Variants in ZNF652 observed in about 807,000 individuals in gnomAD.
The protein encoded by ZNF652 is zinc finger protein 652.
ZNF652 carries 16 observed loss-of-function variants against 45.2 expected under a neutral mutation model. The ratio of observed to expected loss-of-function variants is 0.35; its 90% CI spans 0.24 to 0.54. The LOEUF (loss-of-function observed/expected upper bound fraction) is 0.54, where lower values mean the gene tolerates loss of function less well. Among genes scored for constraint, ZNF652 ranks in the 20% least tolerant of loss-of-function variants. The probability of loss-of-function intolerance (pLI) is 0.91; values close to 1 mark genes in which losing one functional copy is unlikely to be tolerated. For synonymous variants in ZNF652, 250 were observed against 260.6 expected (o/e 0.96, Z 0.39); for missense variants, 614 against 765.6 (o/e 0.80, Z 2.34).
At chr17:49,307,526 G>T (rs952943218) in intron 5 of ZNF652, among the ~76,000 whole-genome samples, 1 of 148,964 alleles carries the variant, frequency 6.7e-6, no homozygotes, top group Non-Finnish European at 1.5e-5. Flanking sequence ...CAGATCATGA[G>T]GTCAGGAGTT....
chr17:49,346,381 T>C (rs902112392), intron 1 of ZNF652, among the ~76,000 whole-genome samples: 1 of 152,158 alleles, frequency 6.6e-6, no homozygotes, highest in African/African-American at 2.4e-5. Flanking sequence ...CAAAACCCTG[T>C]CTCTACTAAA....
intron 1 of ZNF652, among the ~76,000 whole-genome samples, chr17:49,325,354 A>G (rs6504605): frequency 0.11 from 16,749 of 152,252 alleles, 994 homozygotes; most frequent in Middle Eastern, 0.16. Flanking sequence ...ATGAACGCAT[A>G]TAACATTTAT....
chr17:49,328,100 T>G (rs1311765791), intron 1 of ZNF652, among the ~76,000 whole-genome samples: 1 of 151,946 alleles, frequency 6.6e-6, no homozygotes, highest in Non-Finnish European at 1.5e-5. Context: ...CCTCATGGAT[T>G]ACTGGTATAA....
chr17:49,327,987 A>C (rs6504606), intron 1 of ZNF652, among the ~76,000 whole-genome samples: 28 of 151,224 alleles, frequency 1.9e-4, no homozygotes, highest in Admixed American at 1.6e-3. Flanking sequence ...GCCTGCATTA[A>C]AAATCTGGCT....
chr17:49,355,732 T>C (rs1027973262), intron 1 of ZNF652, among the ~76,000 whole-genome samples: 4 of 151,494 alleles, frequency 2.6e-5, no homozygotes, highest in African/African-American at 9.7e-5. Context: ...ACCCCGTCTC[T>C]ACTAAAAATA....
intron 3 of ZNF652, 111 bp downstream of exon 3, chr17:49,312,587 C>A: frequency 8.3e-7 from 1 of 1,211,450 alleles, no homozygotes; most frequent in South Asian, 1.5e-5. Context: ...TCAGTTTCAA[C>A]ATGTCAAAAC....
At chr17:49,312,093 A>G in intron 3 of ZNF652, 51 bp from the exon 4 acceptor site, 1 of 1,440,086 alleles carries the variant, frequency 6.9e-7, no homozygotes, top group Non-Finnish European at 9.7e-7. Context: ...CAAAAAGCTC[A>G]AACTAAAAAG....
chr17:49,312,538 C>T (rs745560079), intron 3 of ZNF652, among the ~76,000 whole-genome samples, 160 bp downstream of exon 3: 2 of 152,082 alleles, frequency 1.3e-5, no homozygotes, highest in African/African-American at 2.4e-5. Flanking sequence ...GAAGACTATA[C>T]CATCCAATTT....
intron 1 of ZNF652, among the ~76,000 whole-genome samples, chr17:49,338,233 T>C (rs931442680): frequency 6.6e-6 from 1 of 151,900 alleles, no homozygotes; most frequent in African/African-American, 2.4e-5. Context: ...GCGATCCTCC[T>C]GCCTCAGCCT....
chr17:49,334,112 A>C (rs2070055936), intron 1 of ZNF652, among the ~76,000 whole-genome samples: 1 of 152,254 alleles, frequency 6.6e-6, no homozygotes, highest in South Asian at 2.1e-4. Context: ...GCCAAAAGGC[A>C]ATCCAAATAT....
chr17:49,338,353 G>C (rs923732425), intron 1 of ZNF652, among the ~76,000 whole-genome samples: 6 of 152,132 alleles, frequency 3.9e-5, no homozygotes, highest in African/African-American at 1.4e-4. Context: ...ACCTTGTCTG[G>C]ATGTGATGCA....
intron 2 of ZNF652, among the ~76,000 whole-genome samples, chr17:49,314,631 T>C (rs529905147): frequency 6.6e-6 from 1 of 152,308 alleles, no homozygotes; most frequent in South Asian, 2.1e-4. Flanking sequence ...GCCTGGAATA[T>C]TAGGCATAAT....
chr17:49,325,676 A>G (rs2069948959), intron 1 of ZNF652, among the ~76,000 whole-genome samples: 1 of 151,852 alleles, frequency 6.6e-6, no homozygotes, highest in Non-Finnish European at 1.5e-5. Context: ...AATACAAATT[A>G]CCCAGGCATG....
intron 1 of ZNF652, among the ~76,000 whole-genome samples, chr17:49,351,574 C>T (rs1048237201): frequency 2.0e-5 from 3 of 151,964 alleles, no homozygotes; most frequent in African/African-American, 7.2e-5. Flanking sequence ...CTCAAAACCA[C>T]GGACATACAT....
intron 2 of ZNF652, among the ~76,000 whole-genome samples, chr17:49,316,220 A>G (rs1397632559): frequency 1.3e-5 from 2 of 152,238 alleles, no homozygotes; most frequent in African/African-American, 4.8e-5. Flanking sequence ...GTACAGTGGC[A>G]TTATGTAACC....
At chr17:49,311,825 C>T in intron 4 of ZNF652, 102 bp downstream of exon 4, 1 of 949,924 alleles carries the variant, frequency 1.1e-6, no homozygotes, top group Non-Finnish European at 1.6e-6. Flanking sequence ...CTGTGGAAGG[C>T]AGCCTTGTGC....
rs1472155022 is a variant in ZNF652 at position 49,289,261 on chromosome 17, C to T, written c.*9152G>A. 2 of 150,230 alleles carry T rather than the reference C, an allele frequency of 1.3e-5. No individual in the cohort carries two copies. The allele number at this position is 150,230 out of a possible 1,614,324, so 9.3% of individuals were successfully genotyped here. Reference sequence around the variant, plus strand: ...TGAACATTAGCATTAAGTTGGTTACCGTACACATCCAAAGGCCCAGCATCT... The same window carrying T: ...TGAACATTAGCATTAAGTTGGTTACTGTACACATCCAAAGGCCCAGCATCT... On this transcript the variant is annotated 3_prime_UTR_variant, in exon 6 of 6. Coordinates refer to ENST00000430262, the MANE Select transcript of ZNF652 (RefSeq NM_001145365.3).
chr17:49,342,312 TA>T (rs1217223746), intron 1 of ZNF652, among the ~76,000 whole-genome samples: 5 of 152,180 alleles, frequency 3.3e-5, no homozygotes, highest in Non-Finnish European at 7.3e-5. Flanking sequence ...AGAAAATATT[TA>T]AAAATTTTTA....
intron 1 of ZNF652, among the ~76,000 whole-genome samples, chr17:49,347,135 T>C (rs891781590): frequency 6.6e-6 from 1 of 152,222 alleles, no homozygotes; most frequent in Admixed American, 6.5e-5. Context: ...GACAGCCAAC[T>C]CATTCTTTTG....
Sources: gnomAD v4.1 joint callset for allele counts (sites outside exome capture counted in the v4.1 genomes callset) on GRCh38, gnomAD v4.1.1 for gene constraint, MANE v1.5 for transcripts, NCBI Gene and HGNC (gene_info 2026-07-23, HGNC 2026-07-21) for gene names.